The following DEPDC1B variants were observed in gnomAD, a reference collection of about 807,000 sequenced individuals.
DEPDC1B encodes the protein DEP domain-containing protein 1B.
DEPDC1B carries 51 observed loss-of-function variants against 66.5 expected under a neutral mutation model. The observed-to-expected ratio is 0.77, with a 90% CI of 0.61 to 0.97. The LOEUF (loss-of-function observed/expected upper bound fraction) is 0.97. DEPDC1B is among the 50% of genes least tolerant of loss of function. The probability of loss-of-function intolerance (pLI) is 0.00; values close to 1 mark genes in which losing one functional copy is unlikely to be tolerated. For synonymous variants in DEPDC1B, 226 were observed against 223.6 expected (o/e 1.01, Z -0.10); for missense variants, 552 against 637.1 (o/e 0.87, Z 1.44).
chr5:60,656,690 A>G (rs759605399), intron 2 of DEPDC1B, among the ~76,000 whole-genome samples: 3 of 152,248 alleles, frequency 2.0e-5, no homozygotes, highest in Non-Finnish European at 4.4e-5. Flanking sequence ...ACAAGGCAGC[A>G]GGAGAGAAAG....
Position 60,644,849 on chromosome 5 carries a change from GA to G in DEPDC1B, c.604del (p.Ser202ProfsTer2). 1 of 1,608,218 alleles carries G rather than the reference GA, an allele frequency of 6.2e-7. No homozygotes were observed. The highest frequency in any genetic ancestry group is 1.7e-4 in the Middle Eastern group (1 of 5,982). On this transcript the variant is annotated frameshift_variant, in exon 5 of 11. Coordinates refer to ENST00000265036, the MANE Select transcript of DEPDC1B (RefSeq NM_018369.3). LOFTEE classifies it high-confidence loss of function. ...SYLQKILGLD[S>X]LEEVLDVKLV... ...TTTGACGTCTAAAACTTCTTCTAAGGAATCCAGGCCAAGAATTTTCTGTAAG... is the reference window on the plus strand; with the variant it reads ...TTTGACGTCTAAAACTTCTTCTAAGGATCCAGGCCAAGAATTTTCTGTAAG...
intron 3 of DEPDC1B, among the ~76,000 whole-genome samples, chr5:60,646,048 T>A (rs1753308328): frequency 6.6e-6 from 1 of 152,254 alleles, no homozygotes; most frequent in Non-Finnish European, 1.5e-5. Flanking sequence ...GACTGTCTAT[T>A]TTTTATAAGC....
At chr5:60,623,049 A>G (rs999522320) in intron 7 of DEPDC1B, among the ~76,000 whole-genome samples, 6 of 152,128 alleles carry the variant, frequency 3.9e-5, no homozygotes, top group Non-Finnish European at 8.8e-5. Flanking sequence ...AGGAACTAAG[A>G]TATCTTTGTC....
At chr5:60,665,192 A>G (rs944552846) in intron 2 of DEPDC1B, among the ~76,000 whole-genome samples, 22 of 152,198 alleles carry the variant, frequency 1.4e-4, no homozygotes, top group Non-Finnish European at 2.8e-4. Flanking sequence ...ATGGCTAGCC[A>G]CCGAAGAAGA....
At chr5:60,678,558 C>T (rs1754223291) in intron 2 of DEPDC1B, among the ~76,000 whole-genome samples, 1 of 152,146 alleles carries the variant, frequency 6.6e-6, no homozygotes, top group Admixed American at 6.5e-5. Context: ...TCCTCACTAG[C>T]ACTAGATATC....
chr5:60,682,421 C>T lies in DEPDC1B; in HGVS notation c.314+4541G>A, dbSNP rs183453685. On this transcript the variant is annotated intron_variant, in intron 2 of 10. Transcript: ENST00000265036. ...AGGAGATATACCTAATGTTAAATGACGAGTTAATGGGTGCAGCACACCAAC... is the reference window on the plus strand; with the variant it reads ...AGGAGATATACCTAATGTTAAATGATGAGTTAATGGGTGCAGCACACCAAC... Among the ~76,000 whole-genome samples, 481 of 152,094 alleles carry T rather than the reference C, an allele frequency of 3.2e-3. 16 individuals are homozygous for T. The highest frequency in any genetic ancestry group is 9.6e-4 in the Non-Finnish European group (65 of 68,004).
At chr5:60,644,577 T>C (rs866544092) in intron 5 of DEPDC1B, among the ~76,000 whole-genome samples, 168 bp downstream of exon 5, 6 of 152,214 alleles carry the variant, frequency 3.9e-5, no homozygotes, top group African/African-American at 1.4e-4. Context: ...CTCATCTTCC[T>C]ATGACATTCC....
At chr5:60,650,471 G>A (rs966606764) in intron 2 of DEPDC1B, among the ~76,000 whole-genome samples, 3 of 152,156 alleles carry the variant, frequency 2.0e-5, no homozygotes, top group African/African-American at 7.2e-5. Flanking sequence ...CTCACTGGAT[G>A]TTAGTAGCAC....
chr5:60,659,272 A>AC (rs1157234558), intron 2 of DEPDC1B, among the ~76,000 whole-genome samples: 1 of 150,342 alleles, frequency 6.7e-6, no homozygotes, highest in African/African-American at 2.5e-5. Context: ...GACCCCCTCC[A>AC]CCCCCCGTAA....
intron 1 of DEPDC1B, among the ~76,000 whole-genome samples, chr5:60,693,834 G>A (rs1050130763): frequency 4.6e-5 from 7 of 151,600 alleles, no homozygotes; most frequent in Non-Finnish European, 1.0e-4. Context: ...TTGTTGTACC[G>A]AAAAGGCATA....
At chr5:60,684,406 C>A (rs751304725) in intron 2 of DEPDC1B, among the ~76,000 whole-genome samples, 11 of 151,922 alleles carry the variant, frequency 7.2e-5, no homozygotes, top group Non-Finnish European at 1.6e-4. Flanking sequence ...TATACATAAA[C>A]CAAAGGAACA....
intron 2 of DEPDC1B, among the ~76,000 whole-genome samples, chr5:60,657,354 CTTG>C (rs1236416098): frequency 6.6e-6 from 1 of 151,928 alleles, no homozygotes; most frequent in East Asian, 1.9e-4. Flanking sequence ...GCCTGAATAC[CTTG>C]TTGTTTTTTT....
At chr5:60,649,334 C>T (rs1753389596) in intron 2 of DEPDC1B, among the ~76,000 whole-genome samples, 1 of 152,166 alleles carries the variant, frequency 6.6e-6, no homozygotes, top group Admixed American at 6.5e-5. Flanking sequence ...GAATTTGTTA[C>T]ATGCAAAACT....
intron 2 of DEPDC1B, among the ~76,000 whole-genome samples, chr5:60,655,523 G>A (rs142878567): frequency 6.7e-6 from 1 of 148,630 alleles, no homozygotes; most frequent in Middle Eastern, 3.4e-3. Flanking sequence ...CTCTTTTCTT[G>A]GTTAATCTTA....
intron 1 of DEPDC1B, among the ~76,000 whole-genome samples, chr5:60,694,353 A>C (rs892262583): frequency 7.2e-5 from 11 of 152,216 alleles, no homozygotes; most frequent in African/African-American, 2.4e-4. Context: ...ATTTTCTAAC[A>C]AATGGTCATC....
intron 9 of DEPDC1B, among the ~76,000 whole-genome samples, chr5:60,600,477 C>T (rs565925974): frequency 1.6e-4 from 24 of 152,244 alleles, no homozygotes; most frequent in African/African-American, 5.8e-4. Context: ...TGGAATAATC[C>T]AAGCAACACT....
rs1227486029 is a variant in DEPDC1B, at chr5:60,597,395, T to A, written c.*358A>T. 1 of 180,434 alleles carries A rather than the reference T, an allele frequency of 5.5e-6. No homozygotes were observed. The allele number at this position is 180,434 out of a possible 1,614,324, so 11.2% of individuals were successfully genotyped here. On this transcript the variant is annotated 3_prime_UTR_variant, in exon 11 of 11. Transcript: ENST00000265036. ...AAGACTTAAAATTAAGTCTTAAGGC[T>A]ATAATAAAGATATCAGTAGCTAGGA...
intron 2 of DEPDC1B, among the ~76,000 whole-genome samples, chr5:60,680,794 A>G (rs1290874026): frequency 1.3e-5 from 2 of 152,206 alleles, no homozygotes; most frequent in Non-Finnish European, 2.9e-5. Flanking sequence ...CGTGTTGATT[A>G]CACCAAATGT....
chr5:60,680,044 A>G (rs1361676109), intron 2 of DEPDC1B, among the ~76,000 whole-genome samples: 2 of 152,188 alleles, frequency 1.3e-5, no homozygotes, highest in East Asian at 3.9e-4. Context: ...GGAGATCATA[A>G]AGATTAAATG....
Sources: gnomAD v4.1 joint callset for allele counts (sites outside exome capture counted in the v4.1 genomes callset) on GRCh38, gnomAD v4.1.1 for gene constraint, MANE v1.5 for transcripts, NCBI Gene and HGNC (gene_info 2026-07-23, HGNC 2026-07-21) for gene names.